Variants in B3GALT1 observed in about 807,000 individuals in gnomAD.
B3GALT1 encodes the protein beta-1,3-galactosyltransferase 1, also known as UDP-Gal:betaGlcNAc beta 1,3-galactosyltransferase, polypeptide 1.
Under a neutral mutation model 23.2 loss-of-function variants are expected in B3GALT1, and 10 were observed. That is an observed-to-expected ratio of 0.43 (90% confidence interval 0.27 to 0.73). B3GALT1 has a LOEUF of 0.73. Among genes scored for constraint, B3GALT1 ranks in the 30% least tolerant of loss-of-function variants. The pLI is 0.21. For missense variants in B3GALT1, 299 were observed against 405.4 expected, an observed-to-expected ratio of 0.74 and a Z score of 2.25; for synonymous variants, 156 against 141.5, an observed-to-expected ratio of 1.10 and a Z score of -0.73.
intron 2 of B3GALT1, among the ~76,000 whole-genome samples, chr2:167,552,170 C>T (rs943092619): frequency 3.9e-4 from 59 of 152,122 alleles, no homozygotes; most frequent in African/African-American, 1.4e-3. Flanking sequence ...ACTGGATGAC[C>T]TTGAGAGTCT....
intron 2 of B3GALT1, among the ~76,000 whole-genome samples, chr2:167,505,201 A>G (rs1699901762): frequency 6.6e-6 from 1 of 152,194 alleles, no homozygotes; most frequent in African/African-American, 2.4e-5. Context: ...AGTGGAGCTG[A>G]TTAAAATGAA....
chr2:167,736,766 T>C (rs888833506), intron 3 of B3GALT1, among the ~76,000 whole-genome samples: 2 of 152,068 alleles, frequency 1.3e-5, no homozygotes, highest in African/African-American at 4.8e-5. Flanking sequence ...AATATGTATA[T>C]GTATATACAC....
At chr2:167,681,095 G>A (rs1406487138) in intron 3 of B3GALT1, among the ~76,000 whole-genome samples, 2 of 152,116 alleles carry the variant, frequency 1.3e-5, no homozygotes, top group South Asian at 4.1e-4. Context: ...CCAGAAATGA[G>A]GTTAGGAAGG....
chr2:167,367,042 G>A (rs1697598711), intron 1 of B3GALT1, among the ~76,000 whole-genome samples: 1 of 152,134 alleles, frequency 6.6e-6, no homozygotes, highest in African/African-American at 2.4e-5. Context: ...ACTACACAAG[G>A]GCATAAATCA....
chr2:167,809,633 G>C (rs113743739), intron 3 of B3GALT1, among the ~76,000 whole-genome samples: 1 of 152,000 alleles, frequency 6.6e-6, no homozygotes, highest in Non-Finnish European at 1.5e-5. Flanking sequence ...CTGCCTGATC[G>C]TTCCTCTGGA....
chr2:167,343,637 A>G (rs1251356726), intron 1 of B3GALT1, among the ~76,000 whole-genome samples: 1 of 152,140 alleles, frequency 6.6e-6, no homozygotes, highest in Admixed American at 6.5e-5. Context: ...TCTTCAAAGA[A>G]AGCATGCCCA....
chr2:167,711,687 G>C (rs1687050253), intron 3 of B3GALT1, among the ~76,000 whole-genome samples: 1 of 152,220 alleles, frequency 6.6e-6, no homozygotes, highest in African/African-American at 2.4e-5. Context: ...AATTCCAACT[G>C]GGAGTGGTGA....
At chr2:167,731,214 A>T (rs1316807689) in intron 3 of B3GALT1, among the ~76,000 whole-genome samples, 1 of 152,228 alleles carries the variant, frequency 6.6e-6, no homozygotes, top group African/African-American at 2.4e-5. Flanking sequence ...TCAATTTTTC[A>T]TCTGTGAAAT....
chr2:167,636,404 A>G (rs2105451565), intron 2 of B3GALT1, among the ~76,000 whole-genome samples: 1 of 152,196 alleles, frequency 6.6e-6, no homozygotes, highest in Middle Eastern at 3.4e-3. Flanking sequence ...AAATTAGTTC[A>G]ACCATTGTGG....
At chr2:167,599,665 T>C (rs2105422706) in intron 2 of B3GALT1, among the ~76,000 whole-genome samples, 1 of 152,354 alleles carries the variant, frequency 6.6e-6, no homozygotes, top group East Asian at 1.9e-4. Context: ...CAGTTTGTGG[T>C]AGAACATTTC....
chr2:167,763,708 A>C (rs1687931218), intron 3 of B3GALT1, among the ~76,000 whole-genome samples: 2 of 151,718 alleles, frequency 1.3e-5, no homozygotes, highest in Non-Finnish European at 2.9e-5. Context: ...AAAAAAAAAA[A>C]AAACCTCTAG....
intron 1 of B3GALT1, among the ~76,000 whole-genome samples, chr2:167,336,636 G>T (rs1345432871): frequency 6.6e-6 from 1 of 152,022 alleles, no homozygotes; most frequent in Admixed American, 6.6e-5. Context: ...TTAAAATATA[G>T]ATACTTATTA....
chr2:167,580,953 A>G (rs535003217), intron 2 of B3GALT1, among the ~76,000 whole-genome samples: 183 of 152,280 alleles, frequency 1.2e-3, no homozygotes, highest in African/African-American at 4.3e-3. Context: ...GATTTTTTAA[A>G]ATTTGGGAGA....
intron 2 of B3GALT1, among the ~76,000 whole-genome samples, chr2:167,581,503 C>T (rs1684482460): frequency 6.6e-6 from 1 of 152,216 alleles, no homozygotes; most frequent in Admixed American, 6.5e-5. Context: ...CTAAGTATTT[C>T]TGCTGGGTTG....
intron 1 of B3GALT1, among the ~76,000 whole-genome samples, chr2:167,309,000 G>A (rs906738393): frequency 1.3e-5 from 2 of 152,014 alleles, no homozygotes; most frequent in Admixed American, 6.6e-5. Context: ...TTTACCAGTT[G>A]CAAATGTAAC....
chr2:167,773,978 C>T (rs954231666), intron 3 of B3GALT1, among the ~76,000 whole-genome samples: 4 of 152,174 alleles, frequency 2.6e-5, no homozygotes, highest in African/African-American at 9.7e-5. Flanking sequence ...TCTAAATGCT[C>T]AATTTAGAGA....
intron 4 of B3GALT1, among the ~76,000 whole-genome samples, chr2:167,856,453 T>C (rs766300960): frequency 9.9e-5 from 15 of 152,108 alleles, no homozygotes; most frequent in Non-Finnish European, 1.8e-4. Flanking sequence ...GAGTACTCCA[T>C]GCTGATGAGA....
chr2:167,323,352 C>T (rs1482733603), intron 1 of B3GALT1, among the ~76,000 whole-genome samples: 5 of 152,020 alleles, frequency 3.3e-5, no homozygotes, highest in African/African-American at 9.7e-5. Flanking sequence ...TAGTTGAGGT[C>T]TGTGTATTCT....
intron 1 of B3GALT1, among the ~76,000 whole-genome samples, chr2:167,380,854 C>T (rs537238227): frequency 3.9e-5 from 6 of 152,104 alleles, no homozygotes; most frequent in Non-Finnish European, 7.4e-5. Flanking sequence ...CAATCAGATG[C>T]TATCATGGGA....
Sources: gnomAD v4.1 joint callset for allele counts (sites outside exome capture counted in the v4.1 genomes callset) on GRCh38, gnomAD v4.1.1 for gene constraint, MANE v1.5 for transcripts, NCBI Gene and HGNC (gene_info 2026-07-23, HGNC 2026-07-21) for gene names.